STAG1: variants seen among roughly 807,000 people sequenced by gnomAD.
STAG1 encodes cohesin subunit SA-1.
A neutral mutation model predicts 170.9 loss-of-function variants in STAG1; 26 were observed. The observed-to-expected ratio is 0.15, with a 90% CI of 0.11 to 0.21. The LOEUF is 0.21. Ranked by LOEUF, STAG1 falls within the 10% of genes least tolerant of loss-of-function variation. The pLI, the probability that STAG1 is intolerant of heterozygous loss-of-function variation, is 1.00. For missense variants in STAG1, 964 were observed against 1,509.5 expected, an observed-to-expected ratio of 0.64 and a Z score of 5.99; for synonymous variants, 514 against 497.7, an observed-to-expected ratio of 1.03 and a Z score of -0.44.
chr3:136,743,212 C>T (rs1934764327), intron 1 of STAG1, among the ~76,000 whole-genome samples: 2 of 151,770 alleles, frequency 1.3e-5, no homozygotes, highest in Admixed American at 6.6e-5. Flanking sequence ...ACTAAAAATA[C>T]AAAAAATTAG....
intron 7 of STAG1, among the ~76,000 whole-genome samples, chr3:136,505,433 G>A (rs180819278): frequency 1.2e-3 from 176 of 152,258 alleles, no homozygotes; most frequent in African/African-American, 2.5e-3. Flanking sequence ...ACATTTAGAA[G>A]TTTTTATAGC....
chr3:136,579,423 G>A (rs1285802042), intron 4 of STAG1, among the ~76,000 whole-genome samples: 1 of 152,176 alleles, frequency 6.6e-6, no homozygotes, highest in Admixed American at 6.5e-5. Context: ...TCATTAGGCT[G>A]CAATCAAGGC....
intron 4 of STAG1, among the ~76,000 whole-genome samples, chr3:136,593,375 C>T (rs1335826468): frequency 6.6e-6 from 1 of 152,154 alleles, no homozygotes; most frequent in East Asian, 1.9e-4. Flanking sequence ...CCACCAGCGT[C>T]AGGCAACAGG....
chr3:136,355,048 T>G (rs1451697525), intron 28 of STAG1, among the ~76,000 whole-genome samples: 1 of 151,932 alleles, frequency 6.6e-6, no homozygotes, highest in East Asian at 1.9e-4. Context: ...CAGGAAGATG[T>G]AACAATTAAA....
At chr3:136,465,520 C>T (rs2089427884) in intron 12 of STAG1, among the ~76,000 whole-genome samples, 2 of 136,984 alleles carry the variant, frequency 1.5e-5, no homozygotes, top group East Asian at 2.1e-4. Context: ...TGTGCCTGGC[C>T]GCCTTCTAGT....
chr3:136,427,178 G>A (rs183044580), intron 16 of STAG1, among the ~76,000 whole-genome samples: 15 of 149,768 alleles, frequency 1.0e-4, no homozygotes, highest in African/African-American at 2.2e-4. Context: ...GAAGTGAGCC[G>A]AGATCACACT....
chr3:136,545,286 T>C (rs1448381500), intron 5 of STAG1, among the ~76,000 whole-genome samples: 1 of 152,146 alleles, frequency 6.6e-6, no homozygotes, highest in Non-Finnish European at 1.5e-5. Flanking sequence ...GCCAGGCTGG[T>C]CTCGAACTCC....
chr3:136,367,867 T>C (rs1937139555), intron 24 of STAG1, among the ~76,000 whole-genome samples: 2 of 152,172 alleles, frequency 1.3e-5, no homozygotes, highest in African/African-American at 4.8e-5. Flanking sequence ...CAGACCCCAC[T>C]GGGGTTTCTA....
At chr3:136,739,716 C>T (rs553621932) in intron 1 of STAG1, among the ~76,000 whole-genome samples, 95 of 151,548 alleles carry the variant, frequency 6.3e-4, no homozygotes, top group African/African-American at 2.2e-3. Context: ...CCCAGCTACT[C>T]GAGAGGCTGA....
intron 14 of STAG1, among the ~76,000 whole-genome samples, chr3:136,449,900 CTTTTTT>C (rs34077581): frequency 7.9e-6 from 1 of 126,564 alleles, no homozygotes; most frequent in African/African-American, 2.9e-5. Context: ...ACTATTGTTG[CTTTTTT>C]TTTTTTTTTT....
chr3:136,689,913 A>G (rs1284326603), intron 1 of STAG1, among the ~76,000 whole-genome samples: 4 of 151,868 alleles, frequency 2.6e-5, no homozygotes, highest in Non-Finnish European at 5.9e-5. Context: ...GTGGTGGCGC[A>G]TGCCTATAAT....
intron 10 of STAG1, among the ~76,000 whole-genome samples, chr3:136,476,999 G>T (rs1304642640): frequency 6.6e-6 from 1 of 151,946 alleles, no homozygotes; most frequent in African/African-American, 2.4e-5. Flanking sequence ...CTTTGATTCT[G>T]AATTAGAAAA....
intron 1 of STAG1, among the ~76,000 whole-genome samples, chr3:136,747,093 TAAAAAAAAAAAA>T (rs71134408): frequency 0.029 from 1,697 of 59,382 alleles, 89 homozygotes; most frequent in African/African-American, 0.13. Flanking sequence ...TGAAACTGTC[TAAAAAAAAAAAA>T]AAAAAAAAAA....
At chr3:136,360,025 G>A (rs1194401517) in intron 26 of STAG1, among the ~76,000 whole-genome samples, 1 of 152,072 alleles carries the variant, frequency 6.6e-6, no homozygotes, top group Non-Finnish European at 1.5e-5. Flanking sequence ...TTCCCACCCA[G>A]TAACAAAATA....
At chr3:136,628,545 C>G (rs1464458066) in intron 2 of STAG1, among the ~76,000 whole-genome samples, 2 of 152,116 alleles carry the variant, frequency 1.3e-5, no homozygotes, top group African/African-American at 4.8e-5. Flanking sequence ...CAGTCTGGGC[C>G]TAATAGCCTG....
At chr3:136,439,982 T>G (rs959939783) in intron 15 of STAG1, among the ~76,000 whole-genome samples, 1 of 152,164 alleles carries the variant, frequency 6.6e-6, no homozygotes, top group Non-Finnish European at 1.5e-5. Context: ...ATGAAACACC[T>G]AATAGTATAT....
intron 15 of STAG1, among the ~76,000 whole-genome samples, chr3:136,440,988 T>A (rs1277364130): frequency 1.3e-5 from 2 of 151,036 alleles, no homozygotes; most frequent in African/African-American, 4.9e-5. Context: ...TTTCACCTAG[T>A]GAGCAGAGGG....
chr3:136,478,417 C>A (rs78287596), intron 9 of STAG1, among the ~76,000 whole-genome samples: 3,225 of 152,236 alleles, frequency 0.021, 56 homozygotes, highest in Non-Finnish European at 0.029. Flanking sequence ...CTTTTATAAT[C>A]TTTCATCACA....
At chr3:136,371,287 T>G (rs1351622709) in intron 23 of STAG1, among the ~76,000 whole-genome samples, 2 of 152,202 alleles carry the variant, frequency 1.3e-5, no homozygotes, top group African/African-American at 4.8e-5. Flanking sequence ...TGCAAAAATT[T>G]TCTCCCATTC....
Sources: allele counts gnomAD v4.1 joint callset (sites outside exome capture counted in the v4.1 genomes callset), GRCh38; gene constraint gnomAD v4.1.1; transcripts MANE v1.5; gene names NCBI Gene and HGNC (gene_info 2026-07-23, HGNC 2026-07-21).